The following THSD7A variants were observed in gnomAD, a reference collection of about 807,000 sequenced individuals.
The protein encoded by THSD7A is thrombospondin type-1 domain-containing protein 7A.
Under a neutral mutation model 231.3 loss-of-function variants are expected in THSD7A, and 96 were observed. The observed-to-expected ratio is 0.41, with a 90% CI of 0.35 to 0.49. The LOEUF is 0.49. Ranked by LOEUF, THSD7A falls within the 20% of genes least tolerant of loss-of-function variation. The pLI, the probability that THSD7A is intolerant of heterozygous loss-of-function variation, is 0.05. For missense variants in THSD7A, 2,290 were observed against 2,070.2 expected (o/e 1.11, Z -2.06); for synonymous variants, 940 against 743.3 (o/e 1.26, Z -4.30).
At chr7:11,576,084 T>A (rs1020020062) in intron 4 of THSD7A, among the ~76,000 whole-genome samples, 1 of 152,210 alleles carries the variant, frequency 6.6e-6, no homozygotes. Flanking sequence ...CCAGAAGTTG[T>A]GGCCTACTTC....
At chr7:11,462,964 G>A (rs1000134338) in intron 9 of THSD7A, among the ~76,000 whole-genome samples, 135 of 152,116 alleles carry the variant, frequency 8.9e-4, no homozygotes, top group African/African-American at 3.1e-3. Flanking sequence ...TTAAGATTAC[G>A]TACACTTTAA....
intron 1 of THSD7A, among the ~76,000 whole-genome samples, chr7:11,810,400 C>T (rs1784500287): frequency 6.6e-6 from 1 of 152,096 alleles, no homozygotes; most frequent in Non-Finnish European, 1.5e-5. Flanking sequence ...GCTGGTCACT[C>T]CCCTTCACTG....
At chr7:11,516,266 C>A (rs897075827) in intron 6 of THSD7A, among the ~76,000 whole-genome samples, 1 of 152,120 alleles carries the variant, frequency 6.6e-6, no homozygotes, top group Non-Finnish European at 1.5e-5. Context: ...AATGCACTTA[C>A]AAAATCAGAA....
chr7:11,760,921 CAAAT>C (rs1369546782), intron 1 of THSD7A, among the ~76,000 whole-genome samples: 2 of 149,060 alleles, frequency 1.3e-5, no homozygotes, highest in African/African-American at 2.4e-5. Flanking sequence ...TTTTAAAACA[CAAAT>C]AAAAATTACT....
chr7:11,817,123 A>G (rs893514844), intron 1 of THSD7A, among the ~76,000 whole-genome samples: 1 of 152,206 alleles, frequency 6.6e-6, no homozygotes, highest in Non-Finnish European at 1.5e-5. Context: ...TGAACCACGT[A>G]TATTGACATG....
chr7:11,547,042 G>A (rs1215241465), intron 4 of THSD7A, among the ~76,000 whole-genome samples: 3 of 152,160 alleles, frequency 2.0e-5, no homozygotes, highest in Non-Finnish European at 4.4e-5. Context: ...AAGGAATTAT[G>A]TGAAATATGG....
intron 4 of THSD7A, among the ~76,000 whole-genome samples, chr7:11,556,130 T>C (rs1195372193): frequency 1.3e-5 from 2 of 151,692 alleles, no homozygotes; most frequent in Non-Finnish European, 3.0e-5. Context: ...TATTTATTCA[T>C]TTCTGTTTCA....
At chr7:11,379,507 T>C in intron 25 of THSD7A, 123 bp downstream of exon 25, 2 of 969,330 alleles carry the variant, frequency 2.1e-6, no homozygotes, top group South Asian at 1.6e-5. Context: ...TAAAAGGAGA[T>C]GTCTAAAATG....
intron 1 of THSD7A, among the ~76,000 whole-genome samples, chr7:11,659,557 G>A (rs1013787632): frequency 6.6e-6 from 1 of 151,114 alleles, no homozygotes; most frequent in Non-Finnish European, 1.5e-5. Context: ...TATAATAATA[G>A]ATATTATTTT....
chr7:11,599,872 T>G (rs1037066064), intron 2 of THSD7A, among the ~76,000 whole-genome samples: 5 of 152,022 alleles, frequency 3.3e-5, no homozygotes, highest in South Asian at 2.1e-4. Context: ...ACCTTTCATC[T>G]CGGTGGGCAC....
chr7:11,430,320 C>T (rs7798217), intron 13 of THSD7A, among the ~76,000 whole-genome samples: 8,945 of 152,168 alleles, frequency 0.059, 268 homozygotes, highest in African/African-American at 0.073. Flanking sequence ...TTGTTTTACT[C>T]CAAAAATAAA....
At chr7:11,536,291 T>C (rs1332059150) in intron 6 of THSD7A, among the ~76,000 whole-genome samples, 1 of 152,200 alleles carries the variant, frequency 6.6e-6, no homozygotes, top group African/African-American at 2.4e-5. Flanking sequence ...TTATATTCCT[T>C]ACCACATAAT....
chr7:11,578,625 T>G lies in THSD7A; in HGVS notation c.1453+11835A>C, dbSNP rs549744927. Among the ~76,000 whole-genome samples the G allele has an allele frequency of 9.3e-4, 142 of 152,168 alleles. 1 individual carries two copies. Among genetic ancestry groups the G allele is most frequent in the African/African-American group, 3.4e-3 (140 of 41,530 alleles). On this transcript the variant is annotated intron_variant, in intron 4 of 27. Transcript: ENST00000423059. Reference sequence around the variant, plus strand: ...TAATCATATGAAATCAAATGGCAAATCAAGAAATATAGCAGAAAAGGGCTA... The same window carrying G: ...TAATCATATGAAATCAAATGGCAAAGCAAGAAATATAGCAGAAAAGGGCTA...
rs1785531694 is a variant in THSD7A, at chr7:11,462,141, C to T, written c.2371G>A (p.Asp791Asn). ...CTAGACTGCTTCCTGATACTGGAGT[C>T]CCCTGCAATGAAGCAGTTTTTTAAC... ...TSCPSSCKEGDSSIRKQSRHR... is the reference protein window; with the variant it reads ...TSCPSSCKEGNSSIRKQSRHR... The change falls in exon 10 of 28, where the codon GAC becomes AAC. Residue 791 changes from aspartate (D) to asparagine (N), a missense_variant and splice_region_variant. Coordinates refer to ENST00000423059, the MANE Select transcript of THSD7A (RefSeq NM_015204.3). The T allele has an allele frequency of 6.2e-7, 1 of 1,613,484 alleles. No homozygotes were observed. Among genetic ancestry groups the T allele is most frequent in the Non-Finnish European group, 8.5e-7 (1 of 1,179,628 alleles).
At chr7:11,810,826 C>T (rs768215276) in intron 1 of THSD7A, among the ~76,000 whole-genome samples, 3 of 152,108 alleles carry the variant, frequency 2.0e-5, no homozygotes, top group Admixed American at 2.0e-4. Context: ...AGTCTCCATA[C>T]ATTTTCAAAT....
intron 1 of THSD7A, among the ~76,000 whole-genome samples, chr7:11,769,153 A>ATATATTTTTTT: frequency 7.2e-5 from 2 of 27,648 alleles, no homozygotes; most frequent in African/African-American, 1.2e-4. Context: ...ATATATATAT[A>ATATATTTTTTT]TTTTTTTTTT....
At chr7:11,429,166 T>C in intron 13 of THSD7A, 41 bp from the exon 14 acceptor site, 1 of 1,517,580 alleles carries the variant, frequency 6.6e-7, no homozygotes, top group Non-Finnish European at 8.8e-7. Context: ...CTCCTCCACC[T>C]GTCACTCTCC....
chr7:11,400,230 C>T (rs1353449104), intron 23 of THSD7A, among the ~76,000 whole-genome samples: 1 of 151,668 alleles, frequency 6.6e-6, no homozygotes. Context: ...TTAATGGGTG[C>T]AGCACACCAA....
chr7:11,544,594 G>A (rs1013706189), intron 4 of THSD7A, among the ~76,000 whole-genome samples: 2 of 152,106 alleles, frequency 1.3e-5, no homozygotes, highest in Non-Finnish European at 2.9e-5. Context: ...AAAGTACTAT[G>A]TCTGTTTGTA....
Sources: allele counts gnomAD v4.1 joint callset (sites outside exome capture counted in the v4.1 genomes callset), GRCh38; gene constraint gnomAD v4.1.1; transcripts MANE v1.5; gene names NCBI Gene and HGNC (gene_info 2026-07-23, HGNC 2026-07-21).